OR52I2: variants seen among roughly 807,000 people sequenced by gnomAD.
The protein encoded by OR52I2 is olfactory receptor 52I2.
For missense variants in OR52I2, 350 were observed against 402.4 expected (o/e 0.87, Z 1.11); for synonymous variants, 147 against 151.9 (o/e 0.97, Z 0.24).
At chr11:4,592,947 G>A (rs1846362927) in exon 2 of OR52I2, 1 of 152,132 alleles carries the variant, frequency 6.6e-6, no homozygotes, top group Non-Finnish European at 1.5e-5. Context: ...TGGACACCTG[G>A]GAGTCATAGC....
At chr11:4,591,509 C>A (rs557530022) in exon 2 of OR52I2, 1 of 151,952 alleles carries the variant, frequency 6.6e-6, no homozygotes, top group East Asian at 1.9e-4. Flanking sequence ...TAGGCTGAGC[C>A]CTTGAGATAC....
exon 2 of OR52I2, chr11:4,590,383 ATTGAAATAAATAT>A (rs1347246584): frequency 1.3e-5 from 2 of 152,228 alleles, no homozygotes; most frequent in East Asian, 3.8e-4. Context: ...CAATAGGCTG[ATTGAAATAAATAT>A]TTGTAGAAAG....
chr11:4,588,141 G>A (rs976464757), exon 2 of OR52I2: 1 of 407,462 alleles, frequency 2.5e-6, no homozygotes, highest in Admixed American at 4.0e-5. Flanking sequence ...GAATGTGCTA[G>A]GTTAGGCTGA....
exon 2 of OR52I2, chr11:4,587,558 T>G: frequency 6.2e-7 from 1 of 1,614,124 alleles, no homozygotes. Context: ...GCCTCCTATA[T>G]CTTAATTCTC....
At chr11:4,588,190 C>T in exon 2 of OR52I2, 1 of 293,270 alleles carries the variant, frequency 3.4e-6, no homozygotes, top group East Asian at 7.2e-5. Context: ...GCCTCACCAA[C>T]TCTTAAAATG....
intron 1 of OR52I2, 22 bp downstream of exon 1, chr11:4,581,886 C>T (rs1224891487): frequency 2.0e-5 from 3 of 152,174 alleles, no homozygotes; most frequent in African/African-American, 7.2e-5. Context: ...ACCTGGGAAT[C>T]AGGTGTTGGG....
chr11:4,587,990 A>G (rs1365919671), exon 2 of OR52I2: 4 of 768,674 alleles, frequency 5.2e-6, no homozygotes, highest in East Asian at 2.5e-5. Flanking sequence ...TAACTTTTCA[A>G]TTACTAGCAG....
At chr11:4,586,633 C>G (rs559645790) in intron 1 of OR52I2, among the ~76,000 whole-genome samples, 138 of 152,156 alleles carry the variant, frequency 9.1e-4, no homozygotes, top group Middle Eastern at 3.4e-3. Context: ...AGGAAGAAAG[C>G]AGAAAAGGCT....
chr11:4,589,162 G>A (rs1846331767), exon 2 of OR52I2: 1 of 152,250 alleles, frequency 6.6e-6, no homozygotes, highest in Non-Finnish European at 1.5e-5. Context: ...AGTCTCTTGA[G>A]GAGTAGCAAT....
At chr11:4,583,455 C>T (rs1564859270) in intron 1 of OR52I2, among the ~76,000 whole-genome samples, 1 of 152,132 alleles carries the variant, frequency 6.6e-6, no homozygotes, top group Admixed American at 6.5e-5. Context: ...CTGTTTGGAT[C>T]CTCAAGCTTT....
At chr11:4,584,142 A>G (rs1205888126) in intron 1 of OR52I2, among the ~76,000 whole-genome samples, 1 of 152,174 alleles carries the variant, frequency 6.6e-6, no homozygotes. Flanking sequence ...TATTCAGGAG[A>G]GGCACAGGAA....
exon 2 of OR52I2, chr11:4,586,965 A>G: frequency 6.2e-7 from 1 of 1,614,146 alleles, no homozygotes; most frequent in Non-Finnish European, 8.5e-7. Context: ...CAGGACTGCA[A>G]TCTTCACATC....
In OR52I2 at chr11:4,587,264, A is replaced by T. The variant is rs751121718; in HGVS notation, c.374A>T (p.Asp125Val). Reference sequence around the variant, plus strand: ...GGGCTGCTGCTGACCATGGCTTTTGACCGCTATGTAGCCATCTGCAAGCCT... The same window carrying T: ...GGGCTGCTGCTGACCATGGCTTTTGTCCGCTATGTAGCCATCTGCAAGCCT... The change falls in exon 2 of 2, where the codon GAC becomes GTC. Residue 125 changes from aspartate to valine, a missense_variant. Transcript: ENST00000641896. The T allele has an allele frequency of 2.5e-6, 4 of 1,613,796 alleles. No individual in the cohort carries two copies. In the Admixed American group the frequency reaches 6.7e-5, roughly 27 times the overall value.
At chr11:4,590,445 G>C (rs1846342477) in exon 2 of OR52I2, 1 of 152,148 alleles carries the variant, frequency 6.6e-6, no homozygotes, top group Non-Finnish European at 1.5e-5. Context: ...TCTTTGCAAA[G>C]ACTGACAATG....
exon 2 of OR52I2, chr11:4,591,979 C>A (rs994480934): frequency 2.6e-5 from 4 of 152,208 alleles, no homozygotes; most frequent in African/African-American, 9.6e-5. Context: ...CTGGGTGAGA[C>A]ATCTTCAGTG....
chr11:4,587,857 G>T, exon 2 of OR52I2: 1 of 1,613,222 alleles, frequency 6.2e-7, no homozygotes, highest in Non-Finnish European at 8.5e-7. Context: ...TTCCAACCTG[G>T]GTTCATGAAC....
At chr11:4,589,893 T>C (rs1233104126) in exon 2 of OR52I2, 3 of 152,028 alleles carry the variant, frequency 2.0e-5, no homozygotes, top group Non-Finnish European at 4.4e-5. Context: ...TTAATAGAAA[T>C]GAAACATTCT....
chr11:4,587,853 C>T, exon 2 of OR52I2: 2 of 1,613,434 alleles, frequency 1.2e-6, no homozygotes, highest in Non-Finnish European at 1.7e-6. Flanking sequence ...ACCATTCCAA[C>T]CTGGGTTCAT....
intron 1 of OR52I2, among the ~76,000 whole-genome samples, chr11:4,585,655 C>T (rs1377399133): frequency 1.3e-5 from 2 of 152,216 alleles, no homozygotes; most frequent in Non-Finnish European, 2.9e-5. Context: ...ATCTTTGTCT[C>T]ATCAAACCTG....
Sources: gnomAD v4.1 joint callset for allele counts (sites outside exome capture counted in the v4.1 genomes callset) on GRCh38, gnomAD v4.1.1 for gene constraint, MANE v1.5 for transcripts, NCBI Gene and HGNC (gene_info 2026-07-23, HGNC 2026-07-21) for gene names.